The following SH3KBP1 variants were observed in gnomAD, a reference collection of about 807,000 sequenced individuals.
The protein encoded by SH3KBP1 is SH3 domain-containing kinase-binding protein 1.
In SH3KBP1, 8 loss-of-function variants were observed where a neutral mutation model predicts 50.1. The observed-to-expected ratio is 0.16, with a 90% CI of 0.09 to 0.29. The LOEUF is 0.29. Among genes scored for constraint, SH3KBP1 ranks in the 10% least tolerant of loss-of-function variants. The pLI is 1.00. For missense variants in SH3KBP1, 377 were observed against 535.2 expected (o/e 0.70, Z 2.92); for synonymous variants, 227 against 218.6 (o/e 1.04, Z -0.34).
chrX:19,751,333 G>A lies in SH3KBP1; in HGVS notation c.163-4892C>T, dbSNP rs755533138. 1.8e-3 allele frequency among the ~76,000 whole-genome samples: 195 copies of A among 111,066 alleles called. 1 individual carries two copies. Among genetic ancestry groups the A allele is most frequent in the African/African-American group, 4.6e-3 (141 of 30,531 alleles). On this transcript the variant is annotated intron_variant, in intron 2 of 17. Coordinates refer to ENST00000397821, the MANE Select transcript of SH3KBP1 (RefSeq NM_031892.3). ...TGGGACTGGGGGTTCCTAGACCCCC[G>A]TCTTTAATTGCAACTTTCTGACCAT...
At chrX:19,864,580 T>C (rs1448531842) in intron 1 of SH3KBP1, among the ~76,000 whole-genome samples, 1 of 111,449 alleles carries the variant, frequency 9.0e-6, no homozygotes, top group Non-Finnish European at 1.9e-5. Context: ...AGCCAAGGAA[T>C]ACGGGCTGCC....
chrX:19,881,865 C>T (rs1391578102), intron 1 of SH3KBP1, among the ~76,000 whole-genome samples: 4 of 111,742 alleles, frequency 3.6e-5, no homozygotes, highest in South Asian at 7.4e-4. Flanking sequence ...TCTTCAATCT[C>T]AAGCTTCAGT....
At chrX:19,608,099 G>T (rs1433258984) in intron 8 of SH3KBP1, 54 bp from the exon 9 acceptor site, 1 of 1,007,865 alleles carries the variant, frequency 9.9e-7, no homozygotes, top group Non-Finnish European at 1.4e-6. Flanking sequence ...CCTCCAGAGG[G>T]GTGTAACCCC....
chrX:19,839,994 C>T (rs964085121), intron 1 of SH3KBP1, among the ~76,000 whole-genome samples: 8 of 112,413 alleles, frequency 7.1e-5, no homozygotes, highest in Non-Finnish European at 1.1e-4. Flanking sequence ...CATATTCTTC[C>T]GTGCACTAAG....
At position 19,662,459 on chromosome X, in the gene SH3KBP1, C is replaced by G. The variant is rs1283181151; in HGVS notation, c.727-16984G>C. Reference sequence around the variant, plus strand: ...TAATGCTTATAGATTCCTTATCTCCCAGTATTTGAAGAAGTATTGATTTAA... The same window carrying G: ...TAATGCTTATAGATTCCTTATCTCCGAGTATTTGAAGAAGTATTGATTTAA... On this transcript the variant is annotated intron_variant, in intron 6 of 17. Coordinates refer to ENST00000397821, the MANE Select transcript of SH3KBP1 (RefSeq NM_031892.3). Among the ~76,000 whole-genome samples, 4 of 111,962 alleles carry G rather than the reference C, an allele frequency of 3.6e-5. No homozygotes were observed. In the East Asian group the frequency reaches 8.3e-4, roughly 23 times the overall value.
At chrX:19,720,422 C>T (rs1017757297) in intron 3 of SH3KBP1, among the ~76,000 whole-genome samples, 1 of 111,688 alleles carries the variant, frequency 9.0e-6, no homozygotes, top group Admixed American at 9.5e-5. Flanking sequence ...CTGCTTTTCC[C>T]TGCAAGGCTA....
chrX:19,545,903 G>T lies in SH3KBP1; in HGVS notation c.1623+19C>A. On this transcript the variant is annotated intron_variant, in intron 15 of 17. Transcript: ENST00000397821. ...TGCATGAAATGACAGGGACACCCTCGCCATGGCTGGTGACTCACTTGGGAT... is the reference window on the plus strand; with the variant it reads ...TGCATGAAATGACAGGGACACCCTCTCCATGGCTGGTGACTCACTTGGGAT... The T allele has an allele frequency of 4.1e-6, 5 of 1,209,221 alleles. No homozygotes were observed. Among genetic ancestry groups the T allele is most frequent in the Non-Finnish European group, 5.6e-6 (5 of 893,502 alleles).
At chrX:19,589,254 G>A (rs1367798724) in intron 11 of SH3KBP1, among the ~76,000 whole-genome samples, 1 of 112,399 alleles carries the variant, frequency 8.9e-6, no homozygotes, top group African/African-American at 3.2e-5. Flanking sequence ...TGAGGGCAGG[G>A]CCCAAGTCTG....
At chrX:19,739,014 GAA>G (rs1167676836) in intron 3 of SH3KBP1, among the ~76,000 whole-genome samples, 16 of 22,453 alleles carry the variant, frequency 7.1e-4, no homozygotes, top group Admixed American at 2.4e-3. Context: ...CTGCCTCCAA[GAA>G]AAAAAAAAAA....
rs147555977 is a variant in SH3KBP1 at position 19,877,979 on chromosome X, G to A, written c.4+9328C>T. Among the ~76,000 whole-genome samples, 19 of 111,854 alleles carry A rather than the reference G, an allele frequency of 1.7e-4. No homozygotes were observed. In the South Asian group the frequency reaches 2.6e-3, roughly 15 times the overall value. On this transcript the variant is annotated intron_variant, in intron 1 of 17. Transcript: ENST00000397821. Reference sequence around the variant, plus strand: ...TTTCTTGCCAACTGGATAGTATTCCGTTAGGACAAGTATCACAGGATTTTT... The same window carrying A: ...TTTCTTGCCAACTGGATAGTATTCCATTAGGACAAGTATCACAGGATTTTT...
chrX:19,612,235 G>A (rs1425574386), intron 8 of SH3KBP1, among the ~76,000 whole-genome samples: 1 of 111,656 alleles, frequency 9.0e-6, no homozygotes, highest in Admixed American at 9.5e-5. Context: ...CTGTGCTTTC[G>A]AAAGTATAAA....
At chrX:19,771,034 G>T (rs2065775102) in intron 2 of SH3KBP1, among the ~76,000 whole-genome samples, 1 of 111,509 alleles carries the variant, frequency 9.0e-6, no homozygotes, top group Non-Finnish European at 1.9e-5. Flanking sequence ...GAATTTTTAA[G>T]GTTTATTTTA....
chrX:19,558,907 T>C (rs1339326308), intron 13 of SH3KBP1, among the ~76,000 whole-genome samples: 1 of 111,624 alleles, frequency 9.0e-6, no homozygotes, highest in Non-Finnish European at 1.9e-5. Context: ...GATGGTTTGG[T>C]ATCAACTCTC....
intron 5 of SH3KBP1, among the ~76,000 whole-genome samples, chrX:19,688,069 T>C (rs2063205398): frequency 8.9e-6 from 1 of 112,407 alleles, no homozygotes; most frequent in African/African-American, 3.2e-5. Context: ...ATTAACTCAA[T>C]TGTACAGCAC....
At chrX:19,875,308 A>T (rs965481402) in intron 1 of SH3KBP1, among the ~76,000 whole-genome samples, 3 of 110,886 alleles carry the variant, frequency 2.7e-5, no homozygotes, top group African/African-American at 9.9e-5. Flanking sequence ...TAGCCCCATT[A>T]CTCTGAAGCA....
chrX:19,675,409 C>CTT (rs746659249), intron 6 of SH3KBP1, among the ~76,000 whole-genome samples: 7 of 99,606 alleles, frequency 7.0e-5, no homozygotes, highest in East Asian at 3.1e-4. Flanking sequence ...AACCACTATA[C>CTT]TTTTTTTTTT....
At chrX:19,697,212 G>A (rs745862257) in intron 4 of SH3KBP1, among the ~76,000 whole-genome samples, 16 of 111,656 alleles carry the variant, frequency 1.4e-4, no homozygotes, top group Non-Finnish European at 2.8e-4. Flanking sequence ...GGTTTATTGG[G>A]ACATAATCCC....
chrX:19,829,418 CT>C (rs1179943466), intron 2 of SH3KBP1, among the ~76,000 whole-genome samples: 110 of 100,432 alleles, frequency 1.1e-3, no homozygotes, highest in East Asian at 1.8e-3. Context: ...ACTGTCTGTT[CT>C]TTTTTTTTTT....
chrX:19,828,608 C>T (rs1355306480), intron 2 of SH3KBP1, among the ~76,000 whole-genome samples: 1 of 109,521 alleles, frequency 9.1e-6, no homozygotes, highest in Non-Finnish European at 1.9e-5. Context: ...ATGGTGAAAC[C>T]CCGTCTATAC....
Sources: allele counts gnomAD v4.1 joint callset (sites outside exome capture counted in the v4.1 genomes callset), GRCh38; gene constraint gnomAD v4.1.1; transcripts MANE v1.5; gene names NCBI Gene and HGNC (gene_info 2026-07-23, HGNC 2026-07-21).